TRHDE: variants seen among roughly 807,000 people sequenced by gnomAD.
TRHDE encodes the protein thyrotropin-releasing hormone-degrading ectoenzyme.
In TRHDE, 72 loss-of-function variants were observed where a neutral mutation model predicts 125.7. The ratio of observed to expected loss-of-function variants is 0.57; its 90% CI spans 0.47 to 0.70. TRHDE has a LOEUF of 0.70. Among genes scored for constraint, TRHDE ranks in the 30% least tolerant of loss-of-function variants. The pLI is 0.00. For synonymous variants in TRHDE, 509 were observed against 509.1 expected, an observed-to-expected ratio of 1.00 and a Z score of 0.00; for missense variants, 1,110 against 1,327.1, an observed-to-expected ratio of 0.84 and a Z score of 2.54.
chr12:72,335,331 C>G (rs1482171837), intron 2 of TRHDE, among the ~76,000 whole-genome samples: 3 of 152,274 alleles, frequency 2.0e-5, no homozygotes, highest in Admixed American at 2.0e-4. Flanking sequence ...ATTCCTTGAA[C>G]TGCAGACATT....
At chr12:72,214,214 A>G (rs1877840476) in intron 2 of TRHDE, among the ~76,000 whole-genome samples, 1 of 152,128 alleles carries the variant, frequency 6.6e-6, no homozygotes, top group South Asian at 2.1e-4. Flanking sequence ...CTCTTTCCAG[A>G]GCACTGCATT....
In TRHDE at chr12:72,124,592, A is replaced by T. The variant is rs186473721; in HGVS notation, n.279+18840A>T. Among the ~76,000 whole-genome samples the T allele has an allele frequency of 1.5e-3, 228 of 152,314 alleles. 1 individual carries two copies. The highest frequency in any genetic ancestry group is 5.0e-3 in the African/African-American group (209 of 41,586). ...TCAAGGATCTACATTTTATGGTATT[A>T]TCTATGTAATTCTTTGTTAATATTA... On this transcript the variant is annotated intron_variant and non_coding_transcript_variant, in intron 2 of 4. Transcript: ENST00000548156.
intron 2 of TRHDE, among the ~76,000 whole-genome samples, chr12:72,140,846 T>C (rs1876095122): frequency 1.3e-5 from 2 of 152,110 alleles, no homozygotes; most frequent in African/African-American, 2.4e-5. Flanking sequence ...ATAGTGTAAC[T>C]CATTGAGCAG....
intron 12 of TRHDE, among the ~76,000 whole-genome samples, chr12:72,605,520 G>T (rs147859007): frequency 6.4e-4 from 98 of 152,198 alleles, no homozygotes; most frequent in African/African-American, 2.3e-3. Context: ...GGATACTAAA[G>T]TGTTTTCTAT....
At chr12:72,366,267 G>A (rs149842592) in intron 2 of TRHDE, among the ~76,000 whole-genome samples, 1 of 152,224 alleles carries the variant, frequency 6.6e-6, no homozygotes, top group Non-Finnish European at 1.5e-5. Flanking sequence ...TTAGAAAAAT[G>A]TGACAATATC....
intron 2 of TRHDE, among the ~76,000 whole-genome samples, chr12:72,309,151 C>G (rs973121315): frequency 1.3e-5 from 2 of 152,076 alleles, no homozygotes; most frequent in African/African-American, 4.8e-5. Flanking sequence ...GTTTCCAGTC[C>G]CCAGCAGCTA....
At chr12:72,375,297 C>T (rs1304647963) in intron 2 of TRHDE, among the ~76,000 whole-genome samples, 3 of 151,972 alleles carry the variant, frequency 2.0e-5, no homozygotes, top group African/African-American at 7.3e-5. Context: ...ATTTCTATTC[C>T]CTAGTACAAT....
At chr12:72,503,979 G>T (rs1362974746) in intron 6 of TRHDE, among the ~76,000 whole-genome samples, 1 of 152,108 alleles carries the variant, frequency 6.6e-6, no homozygotes, top group Admixed American at 6.6e-5. Flanking sequence ...GAGTGGGTAG[G>T]CCCCCTGGGA....
chr12:72,253,471 C>CA (rs1174234710), intron 2 of TRHDE: 1 of 152,054 alleles, frequency 6.6e-6, no homozygotes, highest in African/African-American at 2.4e-5. Flanking sequence ...TAGAGAAAAG[C>CA]ATTCTGTCTT....
chr12:72,188,542 T>C (rs1293933542), intron 2 of TRHDE, among the ~76,000 whole-genome samples: 2 of 152,188 alleles, frequency 1.3e-5, no homozygotes, highest in African/African-American at 2.4e-5. Flanking sequence ...GTAGGCTACA[T>C]TAATGGGAGA....
At chr12:72,110,801 C>T (rs969287129) in intron 2 of TRHDE, among the ~76,000 whole-genome samples, 17 of 152,084 alleles carry the variant, frequency 1.1e-4, no homozygotes, top group African/African-American at 3.9e-4. Flanking sequence ...TGATCTATAA[C>T]TCTAGCAGAA....
At chr12:72,492,098 G>A (rs1247014609) in intron 5 of TRHDE, among the ~76,000 whole-genome samples, 7 of 152,048 alleles carry the variant, frequency 4.6e-5, no homozygotes, top group Admixed American at 1.3e-4. Context: ...TAGTATAAAT[G>A]GACTGTTTTA....
At chr12:72,136,474 T>G (rs180690246) in intron 2 of TRHDE, among the ~76,000 whole-genome samples, 2 of 152,318 alleles carry the variant, frequency 1.3e-5, no homozygotes, top group Admixed American at 1.3e-4. Flanking sequence ...TACTTTCCCA[T>G]TGACCTATAA....
intron 5 of TRHDE, among the ~76,000 whole-genome samples, chr12:72,475,899 G>A (rs745790583): frequency 6.6e-6 from 1 of 151,930 alleles, no homozygotes; most frequent in Non-Finnish European, 1.5e-5. Flanking sequence ...GTCTTATTAT[G>A]ATGGGTTTTT....
chr12:72,215,435 C>G (rs1193492688), intron 2 of TRHDE, among the ~76,000 whole-genome samples: 1 of 152,180 alleles, frequency 6.6e-6, no homozygotes, highest in Non-Finnish European at 1.5e-5. Flanking sequence ...GATGGCTTGG[C>G]TTGGGCTCAG....
chr12:72,338,062 G>A (rs1415148676), intron 2 of TRHDE, among the ~76,000 whole-genome samples: 2 of 152,126 alleles, frequency 1.3e-5, no homozygotes, highest in Non-Finnish European at 2.9e-5. Flanking sequence ...TCGAAAATAT[G>A]TTTCAGATGA....
At chr12:72,096,440 A>G (rs937319868) in intron 1 of TRHDE, among the ~76,000 whole-genome samples, 6 of 152,228 alleles carry the variant, frequency 3.9e-5, no homozygotes, top group Middle Eastern at 3.2e-3. Context: ...AGATTATTTC[A>G]TAATAGAATC....
intron 2 of TRHDE, among the ~76,000 whole-genome samples, chr12:72,252,988 T>C (rs972064692): frequency 6.6e-6 from 1 of 152,128 alleles, no homozygotes. Flanking sequence ...ATAATGCCAT[T>C]GGTAGGTTCT....
rs114805873 is a variant in TRHDE, at chr12:72,090,449, C to T, written n.174+3010C>T. 1.6e-3 allele frequency among the ~76,000 whole-genome samples: 241 copies of T among 152,202 alleles called. 2 individuals are homozygous for T. The highest frequency in any genetic ancestry group is 5.2e-3 in the African/African-American group (218 of 41,530). The stretch of plus-strand genomic sequence containing the variant: ...GGGTTGATTTAGGAGTGGTTGTTCA[C>T]GTTTTACTTACTTTTTCTCCTTTTA... On this transcript the variant is annotated intron_variant and non_coding_transcript_variant, in intron 1 of 4. Transcript: ENST00000548156.
Sources: allele counts gnomAD v4.1 joint callset (sites outside exome capture counted in the v4.1 genomes callset), GRCh38; gene constraint gnomAD v4.1.1; transcripts MANE v1.5; gene names NCBI Gene and HGNC (gene_info 2026-07-23, HGNC 2026-07-21).